The following FAM219A variants were observed in gnomAD, a reference collection of about 807,000 sequenced individuals.
The protein encoded by FAM219A is protein FAM219A.
A neutral mutation model predicts 23.4 loss-of-function variants in FAM219A; 7 were observed. That is an observed-to-expected ratio of 0.30 (90% confidence interval 0.17 to 0.56). The LOEUF is 0.56. FAM219A is among the 20% of genes least tolerant of loss of function. The pLI is 0.92. For synonymous variants in FAM219A, 93 were observed against 99.0 expected, an observed-to-expected ratio of 0.94 and a Z score of 0.36; for missense variants, 166 against 246.9, an observed-to-expected ratio of 0.67 and a Z score of 2.20.
At chr9:34,416,247 GAAAGAAAGA>G (rs1822013691) in intron 1 of FAM219A, among the ~76,000 whole-genome samples, 1 of 123,522 alleles carries the variant, frequency 8.1e-6, no homozygotes, top group African/African-American at 3.1e-5. Flanking sequence ...AAGAAAGAAA[GAAAGAAAGA>G]AAGGGGGAGG....
intron 2 of FAM219A, among the ~76,000 whole-genome samples, chr9:34,404,750 G>A (rs1387163722): frequency 2.6e-5 from 4 of 151,918 alleles, no homozygotes; most frequent in African/African-American, 9.7e-5. Flanking sequence ...CAACACCCCT[G>A]ATAAATAAAA....
At chr9:34,404,129 A>G (rs1821549813) in intron 2 of FAM219A, among the ~76,000 whole-genome samples, 1 of 152,226 alleles carries the variant, frequency 6.6e-6, no homozygotes, top group African/African-American at 2.4e-5. Context: ...AAATAGTGGG[A>G]AAAAAGCAAA....
At position 34,401,039 on chromosome 9, in the gene FAM219A, G is replaced by A; in HGVS notation, c.483C>T (p.Leu161=). ...TGGGGTTCACGGACTTGGGGGGGAT[G>A]AGGTCTAGGTCCTCGTCGTCGGGGA... ...DEIPDDEDLD[L]IPPKSVNPTC... The change falls in exon 6 of 6, where the codon CTC becomes CTT. Residue 161 remains leucine (L), a synonymous_variant. Coordinates refer to ENST00000651358, the MANE Select transcript of FAM219A (RefSeq NM_001184940.2). 6.2e-7 allele frequency: 1 copy of A among 1,608,208 alleles called. No individual in the cohort carries two copies. The highest frequency in any genetic ancestry group is 1.3e-5 in the African/African-American group (1 of 74,768).
rs1554677406 is a variant in FAM219A at position 34,421,009 on chromosome 9, T to TGTGTGAGAGA, written c.61-15046_61-15045insTCTCTCACAC. 5.0e-3 allele frequency among the ~76,000 whole-genome samples: 434 copies of TGTGTGAGAGA among 86,442 alleles called. 5 individuals carry two copies. The highest frequency in any genetic ancestry group is 7.8e-3 in the Non-Finnish European group (354 of 45,242). 56.7% of individuals were successfully genotyped at this position (86,442 alleles called of 152,430 possible). A position where few individuals can be genotyped will look rare whatever the true frequency, so the allele number is the denominator to read the frequency against. On this transcript the variant is annotated intron_variant, in intron 1 of 5. Coordinates refer to ENST00000651358, the MANE Select transcript of FAM219A (RefSeq NM_001184940.2). Reference sequence around the variant, plus strand: ...GTGTGTGTATGTGTGTGTGTGTGTGTGAGAGAGAGAGAGAGAGAGAGAGAG... The same window carrying TGTGTGAGAGA: ...GTGTGTGTATGTGTGTGTGTGTGTGTGTGTGAGAGAGAGAGAGAGAGAGAGAGAGAGAGAG...
At position 34,458,153 on chromosome 9, in the gene FAM219A, C is replaced by G. The variant is rs1324935661; in HGVS notation, c.60+51G>C. 3 of 1,536,870 alleles carry G rather than the reference C, an allele frequency of 2.0e-6. No homozygotes were observed. Among genetic ancestry groups the G allele is most frequent in the Admixed American group, 1.9e-5 (1 of 53,554 alleles). ...CCCCGGCCTGATTCCCTCCCTCCCC[C>G]TCAAGCGACGCCCCCTCCGGCCTTG... On this transcript the variant is annotated intron_variant, in intron 1 of 5. Coordinates refer to ENST00000651358, the MANE Select transcript of FAM219A (RefSeq NM_001184940.2). The surrounding 1 kb of genome is among the most constrained non-coding windows in gnomAD (Gnocchi z 6.6).
chr9:34,444,180 C>A (rs774357498), intron 1 of FAM219A, among the ~76,000 whole-genome samples: 3 of 152,204 alleles, frequency 2.0e-5, no homozygotes, highest in Non-Finnish European at 4.4e-5. Flanking sequence ...ATAGGAGAAC[C>A]AGTGGAGGCC....
At chr9:34,439,071 G>A (rs1042095415) in intron 1 of FAM219A, among the ~76,000 whole-genome samples, 10 of 152,074 alleles carry the variant, frequency 6.6e-5, no homozygotes, top group African/African-American at 2.2e-4. Flanking sequence ...CACTCACCGC[G>A]AAGGTCTGCA....
chr9:34,413,384 T>C (rs1482058657), intron 1 of FAM219A, among the ~76,000 whole-genome samples: 1 of 152,166 alleles, frequency 6.6e-6, no homozygotes, highest in Non-Finnish European at 1.5e-5. Flanking sequence ...AATCCTCATC[T>C]GTCACCCAGC....
chr9:34,401,736 A>T lies in FAM219A; in HGVS notation c.345-16T>A, dbSNP rs1019948582. On this transcript the variant is annotated splice_polypyrimidine_tract_variant and intron_variant, in intron 4 of 5. Coordinates refer to ENST00000651358, the MANE Select transcript of FAM219A (RefSeq NM_001184940.2). The stretch of plus-strand genomic sequence containing the variant: ...GTCATCATCGCTGGCCATGGAGGAA[A>T]GAGAGGGAAAGTGATACCAAGAAAT... The T allele has an allele frequency of 1.9e-6, 3 of 1,604,096 alleles. No individual in the cohort carries two copies. Among genetic ancestry groups the T allele is most frequent in the Admixed American group, 1.7e-5 (1 of 57,878 alleles).
At chr9:34,451,840 C>A (rs1823572947) in intron 1 of FAM219A, among the ~76,000 whole-genome samples, 1 of 152,204 alleles carries the variant, frequency 6.6e-6, no homozygotes, top group Non-Finnish European at 1.5e-5. Flanking sequence ...TCTGCTTCCA[C>A]CCAACTGCAG....
Position 34,398,735 on chromosome 9 carries a change from C to A in FAM219A, c.*2229G>T. 1 of 168,128 alleles carries A rather than the reference C, an allele frequency of 5.9e-6. No homozygotes were observed. The highest frequency in any genetic ancestry group is 1.2e-5 in the Non-Finnish European group (1 of 83,370). 10.4% of individuals were successfully genotyped at this position (168,128 alleles called of 1,614,324 possible). On this transcript the variant is annotated 3_prime_UTR_variant, in exon 6 of 6. Transcript: ENST00000651358. Reference sequence around the variant, plus strand: ...TCTAGAAAGGTGAGCCAAGGAGCCCCGGGGTGGTGGTGGTGGTAGTGGGAG... The same window carrying A: ...TCTAGAAAGGTGAGCCAAGGAGCCCAGGGGTGGTGGTGGTGGTAGTGGGAG...
chr9:34,425,987 AG>A (rs1371796056), intron 1 of FAM219A, among the ~76,000 whole-genome samples: 1 of 152,226 alleles, frequency 6.6e-6, no homozygotes, highest in African/African-American at 2.4e-5. Flanking sequence ...GGTTAGAATT[AG>A]AAACTCCAAA....
intron 1 of FAM219A, among the ~76,000 whole-genome samples, chr9:34,440,167 G>C (rs985607815): frequency 6.6e-6 from 1 of 152,176 alleles, no homozygotes; most frequent in African/African-American, 2.4e-5. Flanking sequence ...AGACCCCTAT[G>C]TTTTCTAGCT....
At chr9:34,403,001 G>A (rs962530513) in intron 2 of FAM219A, among the ~76,000 whole-genome samples, 194 bp from the exon 3 acceptor site, 3 of 152,142 alleles carry the variant, frequency 2.0e-5, no homozygotes, top group Non-Finnish European at 2.9e-5. Context: ...GGCAGACAGT[G>A]GGGGGCAAAA....
intron 1 of FAM219A, among the ~76,000 whole-genome samples, chr9:34,430,601 C>T: frequency 7.5e-6 from 1 of 133,920 alleles, no homozygotes; most frequent in Non-Finnish European, 1.5e-5. Flanking sequence ...CGCGCCACTG[C>T]ACTCCAGCCT....
In FAM219A at chr9:34,425,435, G is replaced by A. The variant is rs528133723; in HGVS notation, c.61-19471C>T. On this transcript the variant is annotated intron_variant, in intron 1 of 5. Transcript: ENST00000651358. ...GCGGAGGTTGCAGTGAGCCGAGATC[G>A]TGCCACTGCACTCCAGCCTGGGCAA... Among the ~76,000 whole-genome samples, 5 of 152,266 alleles carry A rather than the reference G, an allele frequency of 3.3e-5. No individual in the cohort carries two copies. The East Asian group carries it at 5.8e-4, about 18-fold the overall frequency.
In FAM219A at chr9:34,398,235, C is replaced by A; in HGVS notation, c.*2729G>T. 1.9e-6 allele frequency: 3 copies of A among 1,540,304 alleles called. No individual in the cohort carries two copies. The highest frequency in any genetic ancestry group is 1.2e-5 in the South Asian group (1 of 83,782). ...TTATTTGTGTTACACGATACACAACCAAGGATGATGGTCAATACTGCAATG... is the reference window on the plus strand; with the variant it reads ...TTATTTGTGTTACACGATACACAACAAAGGATGATGGTCAATACTGCAATG... On this transcript the variant is annotated 3_prime_UTR_variant, in exon 6 of 6. Transcript: ENST00000651358.
At chr9:34,438,844 A>G (rs1322177495) in intron 1 of FAM219A, among the ~76,000 whole-genome samples, 1 of 152,256 alleles carries the variant, frequency 6.6e-6, no homozygotes, top group Non-Finnish European at 1.5e-5. Context: ...CCAAGCCAGC[A>G]GTGGCAACCC....
At chr9:34,447,876 A>ATT (rs111650721) in intron 1 of FAM219A, among the ~76,000 whole-genome samples, 1 of 145,656 alleles carries the variant, frequency 6.9e-6, no homozygotes. Flanking sequence ...AGTTTTCTTC[A>ATT]TTTTTTTTTT....
Sources: allele counts gnomAD v4.1 joint callset (sites outside exome capture counted in the v4.1 genomes callset), GRCh38; gene constraint gnomAD v4.1.1; non-coding constraint Gnocchi (gnomAD v3.1); transcripts MANE v1.5; gene names NCBI Gene and HGNC (gene_info 2026-07-23, HGNC 2026-07-21).